Variants in CNTN3 observed in about 807,000 individuals in gnomAD.
CNTN3 encodes the protein contactin 3.
CNTN3 carries 60 observed loss-of-function variants against 119.1 expected under a neutral mutation model. That is an observed-to-expected ratio of 0.50 (90% confidence interval 0.41 to 0.62). The LOEUF (loss-of-function observed/expected upper bound fraction) is 0.62. CNTN3 is among the 20% of genes least tolerant of loss of function. The pLI is 0.00. For synonymous variants in CNTN3, 450 were observed against 438.7 expected (o/e 1.03, Z -0.32); for missense variants, 1,101 against 1,242.4 (o/e 0.89, Z 1.71).
chr3:74,422,951 AT>A (rs1191796105), intron 5 of CNTN3, among the ~76,000 whole-genome samples: 1 of 152,116 alleles, frequency 6.6e-6, no homozygotes, highest in Non-Finnish European at 1.5e-5. Flanking sequence ...AAAAAGGCTG[AT>A]TCTAAAAGAA....
At chr3:74,493,551 G>A (rs1217121577) in intron 3 of CNTN3, among the ~76,000 whole-genome samples, 7 of 152,208 alleles carry the variant, frequency 4.6e-5, no homozygotes, top group Non-Finnish European at 1.5e-5. Flanking sequence ...TGGGATTTGG[G>A]TTTAGGAAAT....
chr3:74,526,224 A>AG (rs1703617175), intron 1 of CNTN3, among the ~76,000 whole-genome samples: 1 of 151,370 alleles, frequency 6.6e-6, no homozygotes, highest in Non-Finnish European at 1.5e-5. Flanking sequence ...TCACCAAAAA[A>AG]AAACTTGAGC....
At chr3:74,342,510 T>C (rs1367471520) in intron 11 of CNTN3, among the ~76,000 whole-genome samples, 1 of 152,154 alleles carries the variant, frequency 6.6e-6, no homozygotes, top group Non-Finnish European at 1.5e-5. Flanking sequence ...GCTCTGTGAT[T>C]CTGTTGAACA....
chr3:74,383,620 G>GT (rs1174942471), intron 5 of CNTN3, among the ~76,000 whole-genome samples: 2 of 152,024 alleles, frequency 1.3e-5, no homozygotes, highest in East Asian at 3.9e-4. Context: ...TGAGTAGCTG[G>GT]GACCACAGTG....
intron 4 of CNTN3, among the ~76,000 whole-genome samples, chr3:74,448,670 C>T (rs1702091624): frequency 6.6e-6 from 1 of 152,042 alleles, no homozygotes; most frequent in East Asian, 1.9e-4. Context: ...AACAAAATAA[C>T]ATACACAGAG....
chr3:74,321,745 TA>T (rs1319480029), intron 13 of CNTN3, among the ~76,000 whole-genome samples: 1 of 151,948 alleles, frequency 6.6e-6, no homozygotes, highest in Non-Finnish European at 1.5e-5. Context: ...TAAAAGATAA[TA>T]AAAAAATTAT....
At chr3:74,357,103 T>A (rs1575748593) in intron 11 of CNTN3, among the ~76,000 whole-genome samples, 2 of 151,930 alleles carry the variant, frequency 1.3e-5, no homozygotes, top group East Asian at 3.9e-4. Flanking sequence ...ATTTTTGTAT[T>A]TTTTAGTACA....
At chr3:74,357,169 G>A (rs886906222) in intron 11 of CNTN3, among the ~76,000 whole-genome samples, 7 of 151,962 alleles carry the variant, frequency 4.6e-5, no homozygotes, top group African/African-American at 9.7e-5. Context: ...CTCGTGATCC[G>A]CCTGCCTCGG....
At chr3:74,362,930 A>C (rs1704109257) in intron 10 of CNTN3, among the ~76,000 whole-genome samples, 2 of 152,314 alleles carry the variant, frequency 1.3e-5, no homozygotes, top group South Asian at 4.1e-4. Flanking sequence ...GGCCTTAAAA[A>C]TTAAAAATCA....
intron 5 of CNTN3, among the ~76,000 whole-genome samples, chr3:74,404,267 A>G (rs540110986): frequency 1.3e-5 from 2 of 152,284 alleles, no homozygotes; most frequent in South Asian, 4.1e-4. Context: ...TCTTAATTCA[A>G]TTTGGTTGAA....
chr3:74,594,088 C>T (rs868607323), intron 1 of CNTN3, among the ~76,000 whole-genome samples: 1 of 151,716 alleles, frequency 6.6e-6, no homozygotes, highest in Non-Finnish European at 1.5e-5. Flanking sequence ...GATGGGGATG[C>T]GCTGAGAAGG....
At chr3:74,402,069 G>A (rs958005660) in intron 5 of CNTN3, among the ~76,000 whole-genome samples, 1 of 152,180 alleles carries the variant, frequency 6.6e-6, no homozygotes, top group African/African-American at 2.4e-5. Context: ...CTCCACATGT[G>A]TTCCCAGGGC....
chr3:74,301,147 C>A (rs775095137), intron 16 of CNTN3, among the ~76,000 whole-genome samples: 1 of 152,148 alleles, frequency 6.6e-6, no homozygotes, highest in Non-Finnish European at 1.5e-5. Flanking sequence ...GTGACAAAAG[C>A]ATATTCACTC....
At chr3:74,480,052 T>C (rs1169378750) in intron 4 of CNTN3, among the ~76,000 whole-genome samples, 2 of 152,112 alleles carry the variant, frequency 1.3e-5, no homozygotes, top group African/African-American at 4.8e-5. Flanking sequence ...CTTTACAAAG[T>C]CATAGTGATG....
At chr3:74,576,304 A>G (rs1704416024) in intron 1 of CNTN3, among the ~76,000 whole-genome samples, 1 of 152,164 alleles carries the variant, frequency 6.6e-6, no homozygotes, top group Admixed American at 6.6e-5. Context: ...CCTGAACTTG[A>G]GCGTATCAAA....
chr3:74,562,792 T>A (rs1414608176), intron 1 of CNTN3, among the ~76,000 whole-genome samples: 2 of 151,624 alleles, frequency 1.3e-5, no homozygotes, highest in Non-Finnish European at 2.9e-5. Context: ...ACTTTTCCAA[T>A]CCTTTCCTTC....
intron 13 of CNTN3, among the ~76,000 whole-genome samples, chr3:74,312,332 T>C (rs1300339140): frequency 6.6e-6 from 1 of 151,454 alleles, no homozygotes; most frequent in Non-Finnish European, 1.5e-5. Flanking sequence ...GGCGGGTGCC[T>C]GTAGTCCCAG....
At chr3:74,529,227 T>C (rs557082102) in intron 1 of CNTN3, among the ~76,000 whole-genome samples, 61 of 152,038 alleles carry the variant, frequency 4.0e-4, no homozygotes, top group African/African-American at 1.4e-3. Flanking sequence ...ATATCTATTA[T>C]CCAAAGCATT....
At chr3:74,302,858 A>AC in intron 13 of CNTN3, 51 bp from the exon 14 acceptor site, 2 of 1,208,120 alleles carry the variant, frequency 1.7e-6, no homozygotes, top group Non-Finnish European at 2.4e-6. Context: ...AAAAAACACA[A>AC]AGAAGTTTGA....
Sources: allele counts gnomAD v4.1 joint callset (sites outside exome capture counted in the v4.1 genomes callset), GRCh38; gene constraint gnomAD v4.1.1; transcripts MANE v1.5; gene names NCBI Gene and HGNC (gene_info 2026-07-23, HGNC 2026-07-21).